The following SGMS2 variants were observed in gnomAD, a reference collection of about 807,000 sequenced individuals.
SGMS2 encodes phosphatidylcholine:ceramide cholinephosphotransferase 2.
Under a neutral mutation model 43.8 loss-of-function variants are expected in SGMS2, and 21 were observed. The ratio of observed to expected loss-of-function variants is 0.48; its 90% CI spans 0.34 to 0.69. The LOEUF (loss-of-function observed/expected upper bound fraction) is 0.69, where lower values mean the gene tolerates loss of function less well. Ranked by LOEUF, SGMS2 falls within the 30% of genes least tolerant of loss-of-function variation. The probability of loss-of-function intolerance (pLI) is 0.01; values close to 1 mark genes in which losing one functional copy is unlikely to be tolerated. For missense variants in SGMS2, 384 were observed against 443.2 expected (o/e 0.87, Z 1.20); for synonymous variants, 167 against 160.6 (o/e 1.04, Z -0.30).
chr4:107,880,289 G>C (rs937313606), intron 2 of SGMS2, among the ~76,000 whole-genome samples: 2 of 152,078 alleles, frequency 1.3e-5, no homozygotes, highest in Non-Finnish European at 2.9e-5. Context: ...CTTAGTTAAA[G>C]TATAAAAACT....
At chr4:107,831,145 G>C (rs574411925) in intron 1 of SGMS2, among the ~76,000 whole-genome samples, 9 of 152,164 alleles carry the variant, frequency 5.9e-5, no homozygotes, top group Non-Finnish European at 1.3e-4. Flanking sequence ...AGGGAGTTGA[G>C]GCCAGGCCCA....
rs1406361147 is a variant in SGMS2 at position 107,913,251 on chromosome 4, A to G, written c.*2698A>G. On this transcript the variant is annotated 3_prime_UTR_variant, in exon 7 of 7. Transcript: ENST00000690982. ...ATAGAGTATGCCACATTTTTTTTCT[A>G]ACTCATTTCAAATGAAATTCTCTCA... The G allele has an allele frequency of 6.6e-6, 1 of 152,054 alleles. No homozygotes were observed. The highest frequency in any genetic ancestry group is 2.4e-5 in the African/African-American group (1 of 41,398). The allele number at this position is 152,054 out of a possible 1,614,324, so 9.4% of individuals were successfully genotyped here.
intron 2 of SGMS2, among the ~76,000 whole-genome samples, chr4:107,860,066 C>T (rs1483105523): frequency 6.6e-6 from 1 of 151,890 alleles, no homozygotes; most frequent in Non-Finnish European, 1.5e-5. Flanking sequence ...AATTCTGCCT[C>T]CACCATCCTC....
chr4:107,880,052 A>G (rs1401237516), intron 2 of SGMS2, among the ~76,000 whole-genome samples: 1 of 152,180 alleles, frequency 6.6e-6, no homozygotes, highest in African/African-American at 2.4e-5. Context: ...ATCTGCCTTA[A>G]TATGGGATGG....
At position 107,895,492 on chromosome 4, in the gene SGMS2, C is replaced by A. The variant is rs1011640476; in HGVS notation, c.-62C>A. On this transcript the variant is annotated 5_prime_UTR_variant, in exon 3 of 7. Coordinates refer to ENST00000690982, the MANE Select transcript of SGMS2 (RefSeq NM_001375905.1). ...TTGGAAATAGAAGGATTGAAAAAAGCTAAATTTCCACAAAGAACAAGAACT... is the reference window on the plus strand; with the variant it reads ...TTGGAAATAGAAGGATTGAAAAAAGATAAATTTCCACAAAGAACAAGAACT... The A allele has an allele frequency of 4.0e-5, 61 of 1,507,964 alleles. No individual in the cohort carries two copies. Among genetic ancestry groups the A allele is most frequent in the Non-Finnish European group, 5.2e-5 (58 of 1,120,858 alleles). 93.4% of individuals were successfully genotyped at this position (1,507,964 alleles called of 1,614,324 possible). A position where few individuals can be genotyped will look rare whatever the true frequency, so the allele number is the denominator to read the frequency against.
chr4:107,848,353 C>T (rs189992131), intron 1 of SGMS2, among the ~76,000 whole-genome samples: 1 of 152,278 alleles, frequency 6.6e-6, no homozygotes, highest in East Asian at 1.9e-4. Context: ...CAGTTTTAGG[C>T]AATTATGAAT....
chr4:107,891,989 G>T (rs1236676427), intron 2 of SGMS2, among the ~76,000 whole-genome samples: 2 of 152,020 alleles, frequency 1.3e-5, no homozygotes, highest in African/African-American at 4.8e-5. Context: ...TTTTCAGGCT[G>T]CTCTTCATTA....
chr4:107,838,129 A>G (rs191903890), intron 1 of SGMS2, among the ~76,000 whole-genome samples: 2 of 152,338 alleles, frequency 1.3e-5, no homozygotes, highest in Admixed American at 6.5e-5. Context: ...TAATAGGTCA[A>G]GTAGGAGACC....
At chr4:107,867,593 ACTGCTTACTAG>A (rs1274186725) in intron 2 of SGMS2, 4 of 152,218 alleles carry the variant, frequency 2.6e-5, no homozygotes, top group African/African-American at 9.6e-5. Context: ...TGCTGGCTTC[ACTGCTTACTAG>A]TTGGTGACCT....
At chr4:107,900,360 G>A (rs1731020108) in intron 4 of SGMS2, among the ~76,000 whole-genome samples, 1 of 152,204 alleles carries the variant, frequency 6.6e-6, no homozygotes, top group African/African-American at 2.4e-5. Context: ...GGGGTGTGCA[G>A]ACCACAGATC....
At chr4:107,850,173 C>T (rs1210234302) in intron 1 of SGMS2, among the ~76,000 whole-genome samples, 1 of 152,152 alleles carries the variant, frequency 6.6e-6, no homozygotes, top group East Asian at 1.9e-4. Context: ...CTTGCTCTTC[C>T]TTTACCTTCC....
chr4:107,871,052 G>A (rs1490845370), intron 2 of SGMS2, among the ~76,000 whole-genome samples: 1 of 152,136 alleles, frequency 6.6e-6, no homozygotes, highest in Non-Finnish European at 1.5e-5. Context: ...TAATCATCCT[G>A]TGTTTTTCTA....
intron 1 of SGMS2, among the ~76,000 whole-genome samples, chr4:107,854,460 A>G (rs977803669): frequency 6.6e-6 from 1 of 152,232 alleles, no homozygotes; most frequent in African/African-American, 2.4e-5. Flanking sequence ...ATCCCCTGAG[A>G]TGATTATGGC....
At chr4:107,883,042 T>C (rs1729482153) in intron 2 of SGMS2, among the ~76,000 whole-genome samples, 1 of 152,134 alleles carries the variant, frequency 6.6e-6, no homozygotes, top group South Asian at 2.1e-4. Flanking sequence ...ATTTAATATA[T>C]CTTAAACACT....
At chr4:107,866,305 C>T (rs1230089544) in intron 2 of SGMS2, among the ~76,000 whole-genome samples, 2 of 152,100 alleles carry the variant, frequency 1.3e-5, no homozygotes, top group Non-Finnish European at 2.9e-5. Flanking sequence ...TGGCTCACAC[C>T]TGTAATCCCT....
At chr4:107,849,575 C>T (rs1204262425) in intron 1 of SGMS2, among the ~76,000 whole-genome samples, 1 of 152,028 alleles carries the variant, frequency 6.6e-6, no homozygotes, top group African/African-American at 2.4e-5. Context: ...ATGTCTGGGT[C>T]CTGAGGGTAC....
At chr4:107,880,952 A>G (rs1011796079) in intron 2 of SGMS2, among the ~76,000 whole-genome samples, 10 of 152,128 alleles carry the variant, frequency 6.6e-5, no homozygotes, top group African/African-American at 2.2e-4. Flanking sequence ...TCTTAGCTAA[A>G]CTGAATGCTG....
chr4:107,887,075 A>ATTTTT (rs906284868), intron 2 of SGMS2, among the ~76,000 whole-genome samples: 2 of 152,222 alleles, frequency 1.3e-5, no homozygotes, highest in Non-Finnish European at 2.9e-5. Flanking sequence ...AAAGTTAAAA[A>ATTTTT]GATTACTTTA....
At chr4:107,903,877 C>T (rs947942093) in intron 5 of SGMS2, among the ~76,000 whole-genome samples, 1 of 152,178 alleles carries the variant, frequency 6.6e-6, no homozygotes, top group Non-Finnish European at 1.5e-5. Context: ...ATTCTAATTT[C>T]ATCATCATCT....
Sources: gnomAD v4.1 joint callset for allele counts (sites outside exome capture counted in the v4.1 genomes callset) on GRCh38, gnomAD v4.1.1 for gene constraint, MANE v1.5 for transcripts, NCBI Gene and HGNC (gene_info 2026-07-23, HGNC 2026-07-21) for gene names.